TEX14: variants seen among roughly 807,000 people sequenced by gnomAD.
TEX14 encodes the protein testis expressed 14, intercellular bridge forming factor, also known as inactive serine/threonine-protein kinase TEX14.
A neutral mutation model predicts 178.6 loss-of-function variants in TEX14; 168 were observed. The ratio of observed to expected loss-of-function variants is 0.94; its 90% CI spans 0.83 to 1.07. The LOEUF is 1.07. TEX14 is among the 50% of genes least tolerant of loss of function. The probability of loss-of-function intolerance (pLI) is 0.00; values close to 1 mark genes in which losing one functional copy is unlikely to be tolerated. For synonymous variants in TEX14, 626 were observed against 634.1 expected (o/e 0.99, Z 0.19); for missense variants, 1,730 against 1,753.6 (o/e 0.99, Z 0.24).
rs773635167 is a variant in TEX14, at chr17:58,602,547, T to C, written c.1380A>G (p.Lys460=). The C allele has an allele frequency of 8.7e-6, 14 of 1,613,710 alleles. No homozygotes were observed. The Admixed American group carries it at 2.3e-4, about 27-fold the overall frequency. ...CTAAATAATTCCCCGAGACTACGGC[T>C]TTTTTAACAACTGAGCCATCTAAGC... ...WKGLDGSVVK[K]AVVSGNYLEA... The change falls in exon 12 of 32, where the codon AAA becomes AAG. Residue 460 remains lysine (K), a synonymous_variant. Coordinates refer to ENST00000349033, the MANE Select transcript of TEX14 (RefSeq NM_031272.5).
intron 26 of TEX14, chr17:58,567,784 A>G (rs1160324388): frequency 6.6e-6 from 1 of 152,222 alleles, no homozygotes; most frequent in Non-Finnish European, 1.5e-5. Context: ...AATTCCCATA[A>G]GTGAAATGAG....
At chr17:58,647,574 G>A (rs1462627892) in intron 2 of TEX14, among the ~76,000 whole-genome samples, 8 of 150,258 alleles carry the variant, frequency 5.3e-5, no homozygotes, top group Non-Finnish European at 8.8e-5. Flanking sequence ...CTCTCAAGGA[G>A]GGGAAGGAAG....
chr17:58,594,376 G>A (rs922785807), intron 14 of TEX14, among the ~76,000 whole-genome samples: 2 of 143,048 alleles, frequency 1.4e-5, no homozygotes, highest in Non-Finnish European at 3.0e-5. Context: ...TTTTTGAGAT[G>A]GCCTCACTCT....
At chr17:58,674,778 C>A (rs895018462) in intron 1 of TEX14, among the ~76,000 whole-genome samples, 5 of 139,398 alleles carry the variant, frequency 3.6e-5, no homozygotes, top group African/African-American at 1.3e-4. Context: ...TATAGTATGT[C>A]AATTATCCTT....
intron 2 of TEX14, among the ~76,000 whole-genome samples, chr17:58,641,482 CT>C (rs1488588962): frequency 2.9e-5 from 3 of 103,714 alleles, no homozygotes; most frequent in South Asian, 3.5e-4. Flanking sequence ...CTTTCTTTCT[CT>C]TTTATTTATT....
chr17:58,630,343 A>C lies in TEX14; in HGVS notation c.251+97T>G. The C allele has an allele frequency of 3.3e-6, 3 of 908,124 alleles. No homozygotes were observed. The South Asian group carries it at 4.5e-5, about 14-fold the overall frequency. 56.3% of individuals were successfully genotyped at this position (908,124 alleles called of 1,614,324 possible). On this transcript the variant is annotated intron_variant, in intron 3 of 31. Coordinates refer to ENST00000349033, the MANE Select transcript of TEX14 (RefSeq NM_031272.5). ...AGTGCTGGGATTATAGGTATGAGAC[A>C]CCGCACCCGGCCAAACGTTTTTCTA...
intron 28 of TEX14, among the ~76,000 whole-genome samples, chr17:58,561,977 C>T (rs1410368506): frequency 2.0e-5 from 3 of 151,906 alleles, no homozygotes; most frequent in Admixed American, 6.6e-5. Context: ...CCCAGCCACC[C>T]GGGAGGCTGA....
At chr17:58,668,640 G>C (rs184000280) in intron 1 of TEX14, among the ~76,000 whole-genome samples, 1 of 152,202 alleles carries the variant, frequency 6.6e-6, no homozygotes, top group Admixed American at 6.5e-5. Context: ...ATGTGCCCAA[G>C]TGGTAGAGAA....
intron 1 of TEX14, chr17:58,659,243 A>T (rs985414167): frequency 4.7e-6 from 3 of 637,526 alleles, no homozygotes; most frequent in Non-Finnish European, 5.9e-6. Context: ...CATAGTAAAA[A>T]CCCTCCCCCA....
intron 2 of TEX14, among the ~76,000 whole-genome samples, chr17:58,639,213 G>A (rs905818953): frequency 6.6e-6 from 1 of 151,810 alleles, no homozygotes; most frequent in African/African-American, 2.4e-5. Flanking sequence ...ATCAAACATT[G>A]TATGTTTTCA....
intron 1 of TEX14, chr17:58,660,776 T>C: frequency 1.3e-6 from 1 of 781,334 alleles, no homozygotes; most frequent in Non-Finnish European, 2.4e-6. Context: ...TTTCTGATGT[T>C]GATCATACCA....
chr17:58,624,814 T>C (rs2046096326), intron 3 of TEX14, among the ~76,000 whole-genome samples: 1 of 152,196 alleles, frequency 6.6e-6, no homozygotes, highest in Non-Finnish European at 1.5e-5. Flanking sequence ...TAGTTAATAA[T>C]CCACTGGGAT....
Position 58,603,887 on chromosome 17 carries a change from C to CTGTGTGTGTGTG in TEX14, c.1336+1079_1336+1090dup, listed in dbSNP as rs71143257. Among the ~76,000 whole-genome samples the CTGTGTGTGTGTG allele has an allele frequency of 7.3e-3, 764 of 105,254 alleles. 12 individuals are homozygous for CTGTGTGTGTGTG. Among genetic ancestry groups the CTGTGTGTGTGTG allele is most frequent in the East Asian group, 0.024 (59 of 2,492 alleles). 69.1% of individuals were successfully genotyped at this position (105,254 alleles called of 152,430 possible). On this transcript the variant is annotated intron_variant, in intron 11 of 31. Coordinates refer to ENST00000349033, the MANE Select transcript of TEX14 (RefSeq NM_031272.5). ...AAAAGCAGCCCTTAATGTGATTTTA[C>CTGTGTGTGTGTG]TGTGTGTGTGTGTGTGTGTGTGTGT...
rs1226486015 is a variant in TEX14 at position 58,629,406 on chromosome 17, A to AT, written c.251+1033dup. ...GTGGCAGAGGCTGCAGTGAGCCAAG[A>AT]TCCTGCCACTGCACTCCAGCCTGGG... On this transcript the variant is annotated intron_variant, in intron 3 of 31. Transcript: ENST00000349033. Among the ~76,000 whole-genome samples, 8 of 149,756 alleles carry AT rather than the reference A, an allele frequency of 5.3e-5. No homozygotes were observed. The East Asian group carries it at 1.6e-3, about 30-fold the overall frequency.
At chr17:58,689,158 G>C (rs138530778) in intron 1 of TEX14, among the ~76,000 whole-genome samples, 124 of 152,082 alleles carry the variant, frequency 8.2e-4, no homozygotes, top group Middle Eastern at 3.4e-3. Context: ...TCTATCTCCT[G>C]ATCTCGTGAT....
Position 58,573,182 on chromosome 17 carries a change from T to C in TEX14, c.3510A>G (p.Pro1170=). Residue 1170 remains proline (P), a splice_region_variant and synonymous_variant, in exon 23 of 32, where the codon CCA becomes CCG. Transcript: ENST00000349033. ...AACACTTCTCTTCCCTGTGATTACC[T>C]GGGCTGAGTGGAGTGCTGACACTGG... ...APTSVSTPLS[P]GSVSSAASQY... The C allele has an allele frequency of 1.2e-6, 2 of 1,613,886 alleles. No homozygotes were observed. The highest frequency in any genetic ancestry group is 2.2e-5 in the East Asian group (1 of 44,872).
intron 1 of TEX14, among the ~76,000 whole-genome samples, chr17:58,662,415 TCACA>T (rs200980242): frequency 0.076 from 8,767 of 114,824 alleles, 399 homozygotes; most frequent in African/African-American, 0.14. Context: ...CACACATATC[TCACA>T]CACACACACA....
Position 58,588,030 on chromosome 17 carries a change from T to C in TEX14, c.2577-9A>G. ...CTCTAGGTCTTCCCTGGCTAAGAAA[T>C]GAAAGGACTGAGCTATAAGATCTCT... On this transcript the variant is annotated splice_polypyrimidine_tract_variant and intron_variant, in intron 15 of 31. Coordinates refer to ENST00000349033, the MANE Select transcript of TEX14 (RefSeq NM_031272.5). The C allele has an allele frequency of 1.1e-6, 1 of 948,044 alleles. No homozygotes were observed. Among genetic ancestry groups the C allele is most frequent in the South Asian group, 1.3e-5 (1 of 77,656 alleles). The allele number at this position is 948,044 out of a possible 1,614,324, so 58.7% of individuals were successfully genotyped here. A position where few individuals can be genotyped will look rare whatever the true frequency, so the allele number is the denominator to read the frequency against.
chr17:58,679,246 G>A (rs370712238), intron 1 of TEX14, among the ~76,000 whole-genome samples: 12 of 152,152 alleles, frequency 7.9e-5, no homozygotes, highest in Admixed American at 6.6e-4. Flanking sequence ...TGTTAGCTTT[G>A]AAAAGGAAAG....
Sources: allele counts gnomAD v4.1 joint callset (sites outside exome capture counted in the v4.1 genomes callset), GRCh38; gene constraint gnomAD v4.1.1; transcripts MANE v1.5; gene names NCBI Gene and HGNC (gene_info 2026-07-23, HGNC 2026-07-21).